The following TARBP1 variants were observed in gnomAD, a reference collection of about 807,000 sequenced individuals.
TARBP1 encodes the protein tRNA (guanosine(18)-2'-O)-methyltransferase TARBP1.
Under a neutral mutation model 178.6 loss-of-function variants are expected in TARBP1, and 144 were observed. The ratio of observed to expected loss-of-function variants is 0.81; its 90% CI spans 0.70 to 0.93. The LOEUF (loss-of-function observed/expected upper bound fraction) is 0.93, where lower values mean the gene tolerates loss of function less well. TARBP1 is among the 40% of genes least tolerant of loss of function. The probability of loss-of-function intolerance (pLI) is 0.00; values close to 1 mark genes in which losing one functional copy is unlikely to be tolerated. For missense variants in TARBP1, 2,067 were observed against 2,011.7 expected (o/e 1.03, Z -0.53); for synonymous variants, 787 against 781.0 (o/e 1.01, Z -0.13).
At chr1:234,448,632 T>C (rs1666425950) in intron 10 of TARBP1, 53 bp from the exon 11 acceptor site, 2 of 1,434,794 alleles carry the variant, frequency 1.4e-6, no homozygotes, top group South Asian at 1.2e-5. Context: ...CCTTCAAGGA[T>C]GATGCTTCAA....
chr1:234,392,935 G>A (rs868296730), intron 28 of TARBP1, among the ~76,000 whole-genome samples: 1 of 152,034 alleles, frequency 6.6e-6, no homozygotes, highest in African/African-American at 2.4e-5. Context: ...TAGCCAGGAT[G>A]GTCTCGATCT....
chr1:234,430,189 C>G lies in TARBP1; in HGVS notation c.2507G>C (p.Gly836Ala). The G allele has an allele frequency of 6.2e-7, 1 of 1,614,192 alleles. No individual in the cohort carries two copies. Among genetic ancestry groups the G allele is most frequent in the Non-Finnish European group, 8.5e-7 (1 of 1,180,038 alleles). The change falls in exon 15 of 30, where the codon GGG becomes GCG. Residue 836 changes from glycine to alanine, a missense_variant. Transcript: ENST00000040877. ...PELQLDSLHA[G>A]PLESFLSSLQ... ...AGAGGAAAGGAAGCTTTCCAGGGGC[C>G]CAGCATGGAGAGAGTCCAGCTGCAG...
intron 23 of TARBP1, chr1:234,406,978 G>C (rs1360381220): frequency 6.6e-6 from 1 of 152,204 alleles, no homozygotes; most frequent in Admixed American, 6.5e-5. Context: ...AAAGGCATCA[G>C]CATGGCTGAT....
At position 234,398,538 on chromosome 1, in the gene TARBP1, G is replaced by A; in HGVS notation, c.4087C>T (p.Leu1363Phe). 1 of 1,583,814 alleles carries A rather than the reference G, an allele frequency of 6.3e-7. No individual in the cohort carries two copies. The highest frequency in any genetic ancestry group is 8.6e-7 in the Non-Finnish European group (1 of 1,161,610). Residue 1363 changes from leucine (L) to phenylalanine (F), a missense_variant, in exon 26 of 30, where the codon CTT (leucine) becomes TTT (phenylalanine). Leu to Phe is a conservative substitution (Grantham distance 22). Coordinates refer to ENST00000040877, the MANE Select transcript of TARBP1 (RefSeq NM_005646.4). Reference protein sequence around the residue: ...DYCLETIFYILPRLSGLIEDE... With the variant: ...DYCLETIFYIFPRLSGLIEDE... ...TCAATAAGGCCTGAAAGGCGTGGAA[G>A]GATGTAAAATATGGTCTGAAAAGAG...
intron 7 of TARBP1, among the ~76,000 whole-genome samples, chr1:234,459,878 T>G (rs953351580): frequency 1.3e-5 from 2 of 152,174 alleles, no homozygotes; most frequent in African/African-American, 4.8e-5. Context: ...ACTTTTTCTT[T>G]TTTTCATCTC....
At position 234,393,729 on chromosome 1, in the gene TARBP1, T is replaced by C; in HGVS notation, c.4352A>G (p.Gln1451Arg). ...CTTTCCAAGTCTGGCAGCACGATCCTGAAACAGGAGCTCCAGGTCTAAGTC... is the reference window on the plus strand; with the variant it reads ...CTTTCCAAGTCTGGCAGCACGATCCCGAAACAGGAGCTCCAGGTCTAAGTC... ...VSDLDLELLF[Q>R]DRAARLGKSI... The change falls in exon 27 of 30, where the codon CAG (glutamine) becomes CGG (arginine). Residue 1451 changes from glutamine (Q) to arginine (R), a missense_variant. Physicochemically the swap from Gln to Arg is conservative, Grantham distance 43 (BLOSUM62 1). Coordinates refer to ENST00000040877, the MANE Select transcript of TARBP1 (RefSeq NM_005646.4). 6.2e-7 allele frequency: 1 copy of C among 1,614,010 alleles called. No homozygotes were observed. The highest frequency in any genetic ancestry group is 8.5e-7 in the Non-Finnish European group (1 of 1,180,012).
At chr1:234,468,154 T>C (rs1668644087) in intron 3 of TARBP1, among the ~76,000 whole-genome samples, 1 of 152,092 alleles carries the variant, frequency 6.6e-6, no homozygotes, top group African/African-American at 2.4e-5. Context: ...CAGCTTAATT[T>C]TGAAAGACTG....
intron 6 of TARBP1, 134 bp downstream of exon 6, chr1:234,463,703 A>G (rs1572392538): frequency 2.0e-6 from 1 of 503,584 alleles, no homozygotes; most frequent in East Asian, 3.4e-5. Context: ...CTGAGAAAAT[A>G]TGCATATCCT....
At chr1:234,447,535 C>T (rs1444226527) in intron 11 of TARBP1, among the ~76,000 whole-genome samples, 1 of 151,868 alleles carries the variant, frequency 6.6e-6, no homozygotes, top group Non-Finnish European at 1.5e-5. Context: ...GCTGGGACCA[C>T]AGGTGTGAGC....
At chr1:234,472,455 T>C (rs1669162234) in intron 2 of TARBP1, among the ~76,000 whole-genome samples, 1 of 151,822 alleles carries the variant, frequency 6.6e-6, no homozygotes, top group African/African-American at 2.4e-5. Context: ...TGGGTGATAC[T>C]GATACTGATA....
chr1:234,400,423 T>C (rs953918894), intron 25 of TARBP1: 20 of 152,010 alleles, frequency 1.3e-4, no homozygotes, highest in African/African-American at 4.8e-4. Flanking sequence ...CTAGGATGCA[T>C]ATCTTGCAAT....
rs1558193039 is a variant in TARBP1 at position 234,429,475 on chromosome 1, CT to C, written c.2811del (p.Val938PhefsTer14). On this transcript the variant is annotated frameshift_variant, in exon 16 of 30. Transcript: ENST00000040877. LOFTEE classifies it high-confidence loss of function. The stretch of plus-strand genomic sequence containing the variant: ...GGTAAAACTTGATCAGAAGAAAGAA[CT>C]GTGAGGGCTTCTAGTGCAGACTGCA... The part of the protein sequence containing the change: ...RTLQSALEAL[T>X]VLSSDQVLPV... The C allele has an allele frequency of 6.2e-7, 1 of 1,614,090 alleles. No individual in the cohort carries two copies. The highest frequency in any genetic ancestry group is 1.7e-5 in the Admixed American group (1 of 60,002).
chr1:234,443,528 T>C (rs1226100303), intron 12 of TARBP1, among the ~76,000 whole-genome samples: 69 of 151,974 alleles, frequency 4.5e-4, no homozygotes, highest in Non-Finnish European at 1.8e-4. Context: ...CTGGTGAAAA[T>C]GTAAAAAGGT....
At chr1:234,432,821 G>A (rs1246684170) in intron 14 of TARBP1, among the ~76,000 whole-genome samples, 1 of 152,186 alleles carries the variant, frequency 6.6e-6, no homozygotes, top group East Asian at 1.9e-4. Flanking sequence ...GCTGAAAAAT[G>A]AGGTAGGAAG....
At chr1:234,471,819 C>T (rs1414972155) in intron 2 of TARBP1, among the ~76,000 whole-genome samples, 1 of 152,086 alleles carries the variant, frequency 6.6e-6, no homozygotes, top group African/African-American at 2.4e-5. Context: ...TTTAGAAATG[C>T]TTTTTCTTTA....
At position 234,439,451 on chromosome 1, in the gene TARBP1, C is replaced by T. The variant is rs531383186; in HGVS notation, c.2135-2079G>A. ...TATATGTACTGCAATCCTAAGGCAACCACACACACACAAAAAAAGGCTGAA... is the reference window on the plus strand; with the variant it reads ...TATATGTACTGCAATCCTAAGGCAATCACACACACACAAAAAAAGGCTGAA... On this transcript the variant is annotated intron_variant, in intron 12 of 29. Coordinates refer to ENST00000040877, the MANE Select transcript of TARBP1 (RefSeq NM_005646.4). 7.9e-5 allele frequency among the ~76,000 whole-genome samples: 12 copies of T among 151,996 alleles called. No homozygotes were observed. The South Asian group carries it at 2.3e-3, about 29-fold the overall frequency.
intron 9 of TARBP1, among the ~76,000 whole-genome samples, chr1:234,450,773 T>C (rs1666669375): frequency 1.5e-5 from 2 of 136,902 alleles, no homozygotes; most frequent in African/African-American, 5.4e-5. Flanking sequence ...TATGCGTATA[T>C]GTATGTGTGA....
intron 14 of TARBP1, 119 bp from the exon 15 acceptor site, chr1:234,430,420 GA>G: frequency 1.4e-5 from 11 of 795,064 alleles, no homozygotes; most frequent in Non-Finnish European, 2.2e-5. Context: ...GCCTGCTCCT[GA>G]ATATCAGGAG....
chr1:234,459,207 G>T, intron 8 of TARBP1, 23 bp downstream of exon 8: 1 of 1,585,292 alleles, frequency 6.3e-7, no homozygotes, highest in Non-Finnish European at 8.6e-7. Flanking sequence ...CTTGTAAATG[G>T]AAGTAACAAA....
Sources: allele counts gnomAD v4.1 joint callset (sites outside exome capture counted in the v4.1 genomes callset), GRCh38; gene constraint gnomAD v4.1.1; transcripts MANE v1.5; gene names NCBI Gene and HGNC (gene_info 2026-07-23, HGNC 2026-07-21).